Variants in DDX54 observed in about 807,000 individuals in gnomAD.
The protein encoded by DDX54 is DEAD-box helicase 54, also known as ATP-dependent RNA helicase DDX54.
A neutral mutation model predicts 105.5 loss-of-function variants in DDX54; 67 were observed. That is an observed-to-expected ratio of 0.64 (90% confidence interval 0.52 to 0.78). The LOEUF (loss-of-function observed/expected upper bound fraction) is 0.78, where lower values mean the gene tolerates loss of function less well. DDX54 is among the 30% of genes least tolerant of loss of function. The pLI, the probability that DDX54 is intolerant of heterozygous loss-of-function variation, is 0.00. For synonymous variants in DDX54, 514 were observed against 509.9 expected, an observed-to-expected ratio of 1.01 and a Z score of -0.11; for missense variants, 1,206 against 1,230.5, an observed-to-expected ratio of 0.98 and a Z score of 0.30.
intron 17 of DDX54, 130 bp downstream of exon 17, chr12:113,162,802 G>A (rs2136314160): frequency 2.3e-6 from 2 of 859,764 alleles, no homozygotes; most frequent in East Asian, 5.6e-5. Context: ...TGGAGGGGCG[G>A]CTCACTCACT....
chr12:113,172,053 GA>G (rs975326703), intron 11 of DDX54, among the ~76,000 whole-genome samples: 3 of 149,678 alleles, frequency 2.0e-5, no homozygotes, highest in South Asian at 2.1e-4. Flanking sequence ...TGTACTGAAA[GA>G]AAAAAATAGA....
At chr12:113,169,673 T>A (rs1952312571) in intron 12 of DDX54, 97 bp downstream of exon 12, 1 of 1,381,014 alleles carries the variant, frequency 7.2e-7, no homozygotes, top group Non-Finnish European at 9.9e-7. Flanking sequence ...AGGAATCATC[T>A]TCTGCTGGGG....
At chr12:113,161,457 GAC>G (rs1952204969) in intron 18 of DDX54, 75 bp from the exon 19 acceptor site, 2 of 1,211,506 alleles carry the variant, frequency 1.7e-6, no homozygotes, top group Non-Finnish European at 1.2e-6. Context: ...TGCCCCAGCA[GAC>G]AGAGTTCCGT....
chr12:113,160,329 T>A (rs546883167), intron 19 of DDX54, among the ~76,000 whole-genome samples: 1 of 152,068 alleles, frequency 6.6e-6, no homozygotes, highest in South Asian at 2.1e-4. Flanking sequence ...CAAGACATGG[T>A]CCCAAACTCC....
chr12:113,163,384 G>A lies in DDX54; in HGVS notation c.1939-110C>T, dbSNP rs559252803. 999 of 1,462,990 alleles carry A rather than the reference G, an allele frequency of 6.8e-4. 3 individuals are homozygous for A. The highest frequency in any genetic ancestry group is 1.7e-3 in the Middle Eastern group (8 of 4,696). The allele number at this position is 1,462,990 out of a possible 1,614,324, so 90.6% of individuals were successfully genotyped here. On this transcript the variant is annotated intron_variant, in intron 15 of 19. Coordinates refer to ENST00000306014, the MANE Select transcript of DDX54 (RefSeq NM_024072.4). This position sits in a 1 kb window ranked among gnomAD's most constrained non-coding sequence, Gnocchi z 5.9. Reference sequence around the variant, plus strand: ...ACAGTGAGGGGCCAGTGGCTTCTCGGGGACTTTCAAAGCTTCATTTTGCCA... The same window carrying A: ...ACAGTGAGGGGCCAGTGGCTTCTCGAGGACTTTCAAAGCTTCATTTTGCCA...
At chr12:113,184,825 C>G (rs755735601) in intron 1 of DDX54, among the ~76,000 whole-genome samples, 1 of 151,928 alleles carries the variant, frequency 6.6e-6, no homozygotes, top group Non-Finnish European at 1.5e-5. Flanking sequence ...GACTCTGTCT[C>G]AAAAAAAATT....
rs761098011 is a variant in DDX54 at position 113,163,223 on chromosome 12, T to C, written c.1990A>G (p.Arg664Gly). The stretch of plus-strand genomic sequence containing the variant: ...TCCTCCCTCCGCCTCTTGGCTCCCC[T>C]GTTGGGTCCTGACCGCTGCCGCTTC... ...GRKRQRSGPN[R>G]GAKRRREEAR... The change falls in exon 16 of 20, where the codon AGG becomes GGG. Residue 664 changes from arginine (R) to glycine (G), a missense_variant. By Grantham distance (125) the Arg-to-Gly change is moderately radical. Transcript: ENST00000306014. This position sits in a 1 kb window ranked among gnomAD's most constrained non-coding sequence, Gnocchi z 5.9. The C allele has an allele frequency of 1.2e-6, 2 of 1,611,670 alleles. No individual in the cohort carries two copies. Among genetic ancestry groups the C allele is most frequent in the South Asian group, 2.2e-5 (2 of 91,082 alleles).
intron 10 of DDX54, among the ~76,000 whole-genome samples, chr12:113,173,469 A>G (rs1043334678): frequency 6.6e-6 from 1 of 152,214 alleles, no homozygotes; most frequent in Non-Finnish European, 1.5e-5. Flanking sequence ...CCAGTGAACC[A>G]TGTCCTCAGA....
chr12:113,161,439 C>T (rs1952204648), intron 18 of DDX54, 57 bp from the exon 19 acceptor site: 1 of 1,331,108 alleles, frequency 7.5e-7, no homozygotes, highest in Non-Finnish European at 1.1e-6. Context: ...GAAGGCTCCT[C>T]CCCACACTGC....
rs779293026 is a variant in DDX54 at position 113,157,499 on chromosome 12, C to T, written c.*1378G>A. 31 of 855,826 alleles carry T rather than the reference C, an allele frequency of 3.6e-5. No individual in the cohort carries two copies. The highest frequency in any genetic ancestry group is 5.8e-5 in the Non-Finnish European group (31 of 531,734). 53.0% of individuals were successfully genotyped at this position (855,826 alleles called of 1,614,324 possible). A position where few individuals can be genotyped will look rare whatever the true frequency, so the allele number is the denominator to read the frequency against. On this transcript the variant is annotated 3_prime_UTR_variant, in exon 20 of 20. Coordinates refer to ENST00000306014, the MANE Select transcript of DDX54 (RefSeq NM_024072.4). ...ATCACTGTTCTTTTAATGAGGGGATCTCCAGTCCCCGCCCTACCTTTCGGC... is the reference window on the plus strand; with the variant it reads ...ATCACTGTTCTTTTAATGAGGGGATTTCCAGTCCCCGCCCTACCTTTCGGC...
Position 113,174,678 on chromosome 12 carries a change from A to T in DDX54, c.1030T>A (p.Phe344Ile). The T allele has an allele frequency of 5.0e-6, 8 of 1,610,546 alleles. No homozygotes were observed. The highest frequency in any genetic ancestry group is 6.8e-6 in the Non-Finnish European group (8 of 1,177,082). ...VVRPQDQTVVFVATKHHAEYL... is the reference protein window; with the variant it reads ...VVRPQDQTVVIVATKHHAEYL... ...TCGGCGTGGTGCTTCGTGGCCACAA[A>T]CACCACGGTCTGGTCCTGGGGCCGC... The change falls in exon 10 of 20, where the codon TTT (phenylalanine) becomes ATT (isoleucine). Residue 344 changes from phenylalanine to isoleucine, a missense_variant. This residue lies in a region of DDX54 where 961 missense variants were observed against 1,019.1 expected (regional missense o/e 0.94). Coordinates refer to ENST00000306014, the MANE Select transcript of DDX54 (RefSeq NM_024072.4).
intron 1 of DDX54, among the ~76,000 whole-genome samples, chr12:113,181,460 T>C: frequency 6.6e-6 from 1 of 151,394 alleles, no homozygotes; most frequent in Non-Finnish European, 1.5e-5. Flanking sequence ...ATCTGGCTAA[T>C]TTTTTTATTT....
intron 11 of DDX54, among the ~76,000 whole-genome samples, chr12:113,170,631 C>T (rs918719194): frequency 2.6e-5 from 4 of 152,080 alleles, no homozygotes; most frequent in Non-Finnish European, 4.4e-5. Flanking sequence ...AGAGTGAGAT[C>T]CCGGCCCCCT....
chr12:113,160,468 G>C (rs1392489757), intron 19 of DDX54, among the ~76,000 whole-genome samples: 1 of 152,194 alleles, frequency 6.6e-6, no homozygotes, highest in Non-Finnish European at 1.5e-5. Flanking sequence ...TGCCTCCCAG[G>C]TCATGTGTGG....
chr12:113,161,479 C>T (rs909577958), intron 18 of DDX54, 97 bp from the exon 19 acceptor site: 52 of 995,542 alleles, frequency 5.2e-5, no homozygotes, highest in Non-Finnish European at 1.5e-5. Context: ...TTATCCCAGC[C>T]GCAGCTGAAG....
intron 7 of DDX54, among the ~76,000 whole-genome samples, chr12:113,176,296 T>C (rs933019788): frequency 1.3e-5 from 2 of 152,134 alleles, no homozygotes; most frequent in Non-Finnish European, 2.9e-5. Context: ...GGCCGGGTGC[T>C]GTGGCTCCCG....
chr12:113,163,762 C>T lies in DDX54; in HGVS notation c.1938+305G>A, dbSNP rs1952238879. Among the ~76,000 whole-genome samples the T allele has an allele frequency of 6.6e-6, 1 of 151,360 alleles. No homozygotes were observed. The highest frequency in any genetic ancestry group is 1.5e-5 in the Non-Finnish European group (1 of 67,774). Reference sequence around the variant, plus strand: ...CCAGGTGAATGGGACACTTCATGGTCCTCCCTCTGAGTGGAGACCTACACG... The same window carrying T: ...CCAGGTGAATGGGACACTTCATGGTTCTCCCTCTGAGTGGAGACCTACACG... On this transcript the variant is annotated intron_variant, in intron 15 of 19. Coordinates refer to ENST00000306014, the MANE Select transcript of DDX54 (RefSeq NM_024072.4). This position sits in a 1 kb window ranked among gnomAD's most constrained non-coding sequence, Gnocchi z 5.9.
In DDX54 at chr12:113,174,927, T is replaced by C. The variant is rs1310628897; in HGVS notation, c.884A>G (p.Glu295Gly). 1 of 1,613,356 alleles carries C rather than the reference T, an allele frequency of 6.2e-7. No individual in the cohort carries two copies. Among genetic ancestry groups the C allele is most frequent in the Non-Finnish European group, 8.5e-7 (1 of 1,179,728 alleles). ...LVEFARAGLT[E>G]PVLIRLDVDT... is the part of the protein sequence containing the mutation. Reference sequence around the variant, plus strand: ...CACGTCAAGCCGGATGAGCACGGGCTCCGTGAGGCCTGCAGGAGACATGGG... The same window carrying C: ...CACGTCAAGCCGGATGAGCACGGGCCCCGTGAGGCCTGCAGGAGACATGGG... Residue 295 changes from glutamate (E) to glycine (G), a missense_variant, in exon 9 of 20, where the codon GAG becomes GGG. Coordinates refer to ENST00000306014, the MANE Select transcript of DDX54 (RefSeq NM_024072.4).
Position 113,161,252 on chromosome 12 carries a change from C to T in DDX54, c.2413+18G>A. On this transcript the variant is annotated intron_variant, in intron 19 of 19. Transcript: ENST00000306014. ...CTCTGCCTACCTGTGCACCCACACT[C>T]CCCACCCTGGCTCTCACCTTGGCCA... 6.2e-7 allele frequency: 1 copy of T among 1,602,088 alleles called. No individual in the cohort carries two copies. The highest frequency in any genetic ancestry group is 1.1e-5 in the South Asian group (1 of 89,396).
Sources: allele counts gnomAD v4.1 joint callset (sites outside exome capture counted in the v4.1 genomes callset), GRCh38; gene constraint gnomAD v4.1.1; regional missense constraint gnomAD v4.1.1; non-coding constraint Gnocchi (gnomAD v3.1); transcripts MANE v1.5; gene names NCBI Gene and HGNC (gene_info 2026-07-23, HGNC 2026-07-21).